FKBP4: variants seen among roughly 807,000 people sequenced by gnomAD.
The protein encoded by FKBP4 is FKBP prolyl isomerase 4, also known as peptidyl-prolyl cis-trans isomerase FKBP4.
Under a neutral mutation model 54.1 loss-of-function variants are expected in FKBP4, and 28 were observed. The ratio of observed to expected loss-of-function variants is 0.52; its 90% CI spans 0.38 to 0.71. The LOEUF is 0.71. Ranked by LOEUF, FKBP4 falls within the 30% of genes least tolerant of loss-of-function variation. The probability of loss-of-function intolerance (pLI) is 0.00; values close to 1 mark genes in which losing one functional copy is unlikely to be tolerated. For missense variants in FKBP4, 493 were observed against 574.4 expected, an observed-to-expected ratio of 0.86 and a Z score of 1.45; for synonymous variants, 223 against 216.1, an observed-to-expected ratio of 1.03 and a Z score of -0.28.
At chr12:2,796,146 C>T (rs2153919025) in intron 1 of FKBP4, 3 of 1,257,960 alleles carry the variant, frequency 2.4e-6, no homozygotes, top group East Asian at 5.6e-5. Flanking sequence ...GCGTCTTATG[C>T]CTTCTCCCCA....
At chr12:2,801,618 G>C in intron 9 of FKBP4, 1 of 560,466 alleles carries the variant, frequency 1.8e-6, no homozygotes, top group Non-Finnish European at 3.4e-6. Flanking sequence ...GCCAGGCGCC[G>C]TGGCTCACAC....
In FKBP4 at chr12:2,798,865, A is replaced by C. The variant is rs1160400874; in HGVS notation, c.514+39A>C. The stretch of plus-strand genomic sequence containing the variant: ...GTCTGGGCTTTCAATTCTCATTCTG[A>C]TATTTAGGCCTTGTGTGGCTTTGGG... On this transcript the variant is annotated intron_variant, in intron 4 of 9. Coordinates refer to ENST00000001008, the MANE Select transcript of FKBP4 (RefSeq NM_002014.4). This position sits in a 1 kb window ranked among gnomAD's most constrained non-coding sequence, Gnocchi z 4.3. The C allele has an allele frequency of 3.1e-6, 5 of 1,604,426 alleles. No homozygotes were observed. Among genetic ancestry groups the C allele is most frequent in the Non-Finnish European group, 4.3e-6 (5 of 1,171,852 alleles).
chr12:2,799,351 C>A, intron 5 of FKBP4, 107 bp downstream of exon 5: 3 of 1,165,774 alleles, frequency 2.6e-6, no homozygotes, highest in South Asian at 2.0e-5. Flanking sequence ...TCTGGCCACA[C>A]CAAACATACA....
Position 2,799,942 on chromosome 12 carries a change from T to C in FKBP4, c.762+2T>C. 1 of 1,614,056 alleles carries C rather than the reference T, an allele frequency of 6.2e-7. No individual in the cohort carries two copies. Among genetic ancestry groups the C allele is most frequent in the Non-Finnish European group, 8.5e-7 (1 of 1,179,948 alleles). On this transcript the variant is annotated splice_donor_variant, in intron 6 of 9. Coordinates refer to ENST00000001008, the MANE Select transcript of FKBP4 (RefSeq NM_002014.4). LOFTEE classifies it high-confidence loss of function. ...TTACACCTCAAGAGTTTTGAAAAGG[T>C]AAGTTTGCTCAGGGTCTTCCCATCT...
Position 2,797,872 on chromosome 12 carries a change from G to T in FKBP4, c.393+1G>T. 6.2e-7 allele frequency: 1 copy of T among 1,612,532 alleles called. No individual in the cohort carries two copies. ...CCCCAATGCCACGCTTGTATTTGAG[G>T]TGAGTGTTTGGTCACTGAGATCCAG... On this transcript the variant is annotated splice_donor_variant, in intron 3 of 9. Transcript: ENST00000001008. LOFTEE classifies it high-confidence loss of function.
At chr12:2,800,250 T>C (rs899281790) in intron 7 of FKBP4, 128 bp downstream of exon 7, 2 of 1,358,826 alleles carry the variant, frequency 1.5e-6, no homozygotes, top group Non-Finnish European at 2.0e-6. Context: ...CTTCACTTCA[T>C]ATATGTGAGC....
Position 2,804,788 on chromosome 12 carries a change from A to T in FKBP4, c.*1530A>T, listed in dbSNP as rs2097906646. ...ATACAACACAGCTGATGCTGGAGCC[A>T]GGATTAAAATTGGGGTGTACAAGTC... On this transcript the variant is annotated 3_prime_UTR_variant, in exon 10 of 10. Transcript: ENST00000001008. 6.2e-6 allele frequency: 1 copy of T among 161,256 alleles called. No individual in the cohort carries two copies. The allele number at this position is 161,256 out of a possible 1,614,324, so 10.0% of individuals were successfully genotyped here.
chr12:2,799,257 C>T lies in FKBP4; in HGVS notation c.671+13C>T. 1 of 1,478,736 alleles carries T rather than the reference C, an allele frequency of 6.8e-7. No homozygotes were observed. The highest frequency in any genetic ancestry group is 9.0e-7 in the Non-Finnish European group (1 of 1,113,920). 91.6% of individuals were successfully genotyped at this position (1,478,736 alleles called of 1,614,324 possible). A position where few individuals can be genotyped will look rare whatever the true frequency, so the allele number is the denominator to read the frequency against. On this transcript the variant is annotated intron_variant, in intron 5 of 9. Coordinates refer to ENST00000001008, the MANE Select transcript of FKBP4 (RefSeq NM_002014.4). Reference sequence around the variant, plus strand: ...ACCTCAAGCCCAGGTGAGGGGTGGGCACTTCGTAGGGTAGGCAGGCAGGCA... The same window carrying T: ...ACCTCAAGCCCAGGTGAGGGGTGGGTACTTCGTAGGGTAGGCAGGCAGGCA...
intron 1 of FKBP4, chr12:2,796,756 G>A (rs1420737970): frequency 9.4e-7 from 1 of 1,061,642 alleles, no homozygotes; most frequent in Non-Finnish European, 1.1e-6. Context: ...TTCCCCCTTT[G>A]CCGATTATAA....
intron 7 of FKBP4, 52 bp from the exon 8 acceptor site, chr12:2,800,340 G>A: frequency 6.4e-7 from 1 of 1,560,218 alleles, no homozygotes; most frequent in Non-Finnish European, 8.7e-7. Flanking sequence ...GGGTATAAGA[G>A]CCTAGTACCA....
chr12:2,804,126 A>C lies in FKBP4; in HGVS notation c.*868A>C, dbSNP rs2097906325. 1 of 152,516 alleles carries C rather than the reference A, an allele frequency of 6.6e-6. No homozygotes were observed. Among genetic ancestry groups the C allele is most frequent in the South Asian group, 2.1e-4 (1 of 4,828 alleles). The allele number at this position is 152,516 out of a possible 1,614,324, so 9.4% of individuals were successfully genotyped here. A position where few individuals can be genotyped will look rare whatever the true frequency, so the allele number is the denominator to read the frequency against. On this transcript the variant is annotated 3_prime_UTR_variant, in exon 10 of 10. Transcript: ENST00000001008. ...CCCCACCATGCATGGCTTCCTGAGCACTGCACAGGCTGCCGCTGGGATTTG... is the reference window on the plus strand; with the variant it reads ...CCCCACCATGCATGGCTTCCTGAGCCCTGCACAGGCTGCCGCTGGGATTTG...
rs888710147 is a variant in FKBP4, at chr12:2,803,342, A to G, written c.*84A>G. The G allele has an allele frequency of 2.3e-5, 22 of 957,570 alleles. No homozygotes were observed. Among genetic ancestry groups the G allele is most frequent in the Non-Finnish European group, 3.5e-5 (22 of 626,350 alleles). The allele number at this position is 957,570 out of a possible 1,614,324, so 59.3% of individuals were successfully genotyped here. ...CTGTTAGTTTTGTAAAAACTGAAGA[A>G]TTTTGAGTGAATTAGACCTTTATTT... On this transcript the variant is annotated 3_prime_UTR_variant, in exon 10 of 10. Transcript: ENST00000001008.
rs1260423123 is a variant in FKBP4 at position 2,795,880 on chromosome 12, C to T, written c.105+636C>T. The T allele has an allele frequency of 9.9e-6, 9 of 909,636 alleles. No homozygotes were observed. The highest frequency in any genetic ancestry group is 1.8e-5 in the African/African-American group (1 of 55,742). The allele number at this position is 909,636 out of a possible 1,614,324, so 56.3% of individuals were successfully genotyped here. On this transcript the variant is annotated intron_variant, in intron 1 of 9. Transcript: ENST00000001008. This position sits in a 1 kb window ranked among gnomAD's most constrained non-coding sequence, Gnocchi z 4.3. The stretch of plus-strand genomic sequence containing the variant: ...CCCACTCGCCGCGCGGCGCCCCCTC[C>T]CTCGGCCCCGGGGAGGCCGGGCGCG...
rs780282208 is a variant in FKBP4, at chr12:2,797,195, G to T, written c.163G>T (p.Val55Phe). Residue 55 changes from valine to phenylalanine, a missense_variant, in exon 2 of 10, where the codon GTC (valine) becomes TTC (phenylalanine). Val to Phe is a conservative substitution (Grantham distance 50, BLOSUM62 -1). Coordinates refer to ENST00000001008, the MANE Select transcript of FKBP4 (RefSeq NM_002014.4). ...GCCCATGATTGGGGACCGAGTCTTT[G>T]TCCACTACACTGGCTGGCTATTAGA... ...EMPMIGDRVF[V>F]HYTGWLLDGT... 2 of 1,613,770 alleles carry T rather than the reference G, an allele frequency of 1.2e-6. No homozygotes were observed. The highest frequency in any genetic ancestry group is 1.7e-6 in the Non-Finnish European group (2 of 1,179,852).
In FKBP4 at chr12:2,797,058, C is replaced by T. The variant is rs531354876; in HGVS notation, c.106-80C>T. 9.5e-5 allele frequency: 150 copies of T among 1,581,526 alleles called. No individual in the cohort carries two copies. The African/African-American group carries it at 1.3e-3, about 13-fold the overall frequency. On this transcript the variant is annotated intron_variant, in intron 1 of 9. Transcript: ENST00000001008. ...ACACAGAGAAGTCCCTTTATGTTCC[C>T]TCTGGAGGCTTGCAGGCAGTGCTGG... is the stretch of plus-strand genomic sequence containing the variant.
chr12:2,800,156 C>A, intron 7 of FKBP4, 34 bp downstream of exon 7: 1 of 1,601,570 alleles, frequency 6.2e-7, no homozygotes, highest in South Asian at 1.1e-5. Flanking sequence ...AGGACACTCC[C>A]AGGAAGAGTT....
At position 2,795,819 on chromosome 12, in the gene FKBP4, C is replaced by T. The variant is rs760127676; in HGVS notation, c.105+575C>T. 11 of 355,488 alleles carry T rather than the reference C, an allele frequency of 3.1e-5. No homozygotes were observed. Among genetic ancestry groups the T allele is most frequent in the South Asian group, 1.0e-4 (1 of 9,630 alleles). 22.0% of individuals were successfully genotyped at this position (355,488 alleles called of 1,614,324 possible). ...GCGCGACAGGGTTCCGGCGCCCTCC[C>T]GGGGTCCCCTGCCGACGCCGGGACC... On this transcript the variant is annotated intron_variant, in intron 1 of 9. Transcript: ENST00000001008. The surrounding 1 kb of genome is among the most constrained non-coding windows in gnomAD (Gnocchi z 4.3).
At chr12:2,796,007 C>A in intron 1 of FKBP4, 1 of 1,154,058 alleles carries the variant, frequency 8.7e-7, no homozygotes, top group Non-Finnish European at 1.1e-6. Context: ...TGGAGCCTGC[C>A]GCCGAGTGAC....
chr12:2,802,194 A>G (rs1028882377), intron 9 of FKBP4, among the ~76,000 whole-genome samples: 3 of 151,412 alleles, frequency 2.0e-5, no homozygotes, highest in Admixed American at 2.0e-4. Flanking sequence ...CTGGAGTGCA[A>G]TGGCATGATC....
Sources: allele counts gnomAD v4.1 joint callset (sites outside exome capture counted in the v4.1 genomes callset), GRCh38; gene constraint gnomAD v4.1.1; non-coding constraint Gnocchi (gnomAD v3.1); transcripts MANE v1.5; gene names NCBI Gene and HGNC (gene_info 2026-07-23, HGNC 2026-07-21).